Variants in CA8 observed in about 807,000 individuals in gnomAD.
CA8 encodes carbonic anhydrase-related protein.
CA8 carries 22 observed loss-of-function variants against 41.4 expected under a neutral mutation model. The observed-to-expected ratio is 0.53, with a 90% confidence interval of 0.38 to 0.76. CA8 has a LOEUF of 0.76. CA8 is among the 30% of genes least tolerant of loss of function. The pLI is 0.00. For missense variants in CA8, 270 were observed against 352.8 expected, an observed-to-expected ratio of 0.77 and a Z score of 1.88; for synonymous variants, 121 against 130.6, an observed-to-expected ratio of 0.93 and a Z score of 0.50.
chr8:60,241,881 T>G (rs982993428), intron 3 of CA8, among the ~76,000 whole-genome samples: 4 of 152,200 alleles, frequency 2.6e-5, no homozygotes, highest in Non-Finnish European at 5.9e-5. Context: ...TGTAAGTCAT[T>G]TATAGATTGG....
At chr8:60,202,224 T>G (rs1806453844) in intron 8 of CA8, among the ~76,000 whole-genome samples, 1 of 151,562 alleles carries the variant, frequency 6.6e-6, no homozygotes, top group Non-Finnish European at 1.5e-5. Context: ...TTTTTTTTTT[T>G]TGTATTTTTA....
Position 60,185,783 on chromosome 8 carries a change from T to TA in CA8, c.*4237dup, listed in dbSNP as rs1805947180. Among the ~76,000 whole-genome samples, 1 of 151,436 alleles carries TA rather than the reference T, an allele frequency of 6.6e-6. No individual in the cohort carries two copies. The highest frequency in any genetic ancestry group is 2.4e-5 in the African/African-American group (1 of 41,202). On this transcript the variant is annotated 3_prime_UTR_variant, in exon 9 of 9. Coordinates refer to ENST00000317995, the MANE Select transcript of CA8 (RefSeq NM_004056.6). ...TTGTCCCTATCAGATTTGCCTTATATAAAAATATATTAAAAAAAGGACTTC... is the reference window on the plus strand; with the variant it reads ...TTGTCCCTATCAGATTTGCCTTATATAAAAAATATATTAAAAAAAGGACTTC...
intron 7 of CA8, among the ~76,000 whole-genome samples, chr8:60,221,349 A>T (rs1807239669): frequency 6.6e-6 from 1 of 152,184 alleles, no homozygotes; most frequent in Non-Finnish European, 1.5e-5. Flanking sequence ...GAGAGTAAAG[A>T]CTGTGTTTTA....
intron 8 of CA8, among the ~76,000 whole-genome samples, chr8:60,194,882 A>T (rs1806235758): frequency 6.6e-6 from 1 of 152,164 alleles, no homozygotes; most frequent in Non-Finnish European, 1.5e-5. Context: ...TGTTATTTTA[A>T]TGCAGTCTGT....
At chr8:60,192,514 G>A (rs1361627410) in intron 8 of CA8, among the ~76,000 whole-genome samples, 2 of 152,146 alleles carry the variant, frequency 1.3e-5, no homozygotes, top group Non-Finnish European at 2.9e-5. Context: ...TATGCCATGT[G>A]TTGGAAGTTT....
chr8:60,205,534 A>G (rs756021454), intron 8 of CA8, among the ~76,000 whole-genome samples: 1 of 152,210 alleles, frequency 6.6e-6, no homozygotes, highest in Non-Finnish European at 1.5e-5. Context: ...AGAAAATTCA[A>G]TGGGTAAAGG....
At position 60,281,255 on chromosome 8, in the gene CA8, T is replaced by A; in HGVS notation, c.-108A>T. The stretch of plus-strand genomic sequence containing the variant: ...GCGCGTGGGGGAGTGTGAGCACGCG[T>A]GAGCGGCAGTGTGAGTGCGAGAGCG... On this transcript the variant is annotated 5_prime_UTR_variant, in exon 1 of 9. Coordinates refer to ENST00000317995, the MANE Select transcript of CA8 (RefSeq NM_004056.6). 1.3e-6 allele frequency: 1 copy of A among 743,074 alleles called. No individual in the cohort carries two copies. The highest frequency in any genetic ancestry group is 2.3e-6 in the Non-Finnish European group (1 of 433,886). The allele number at this position is 743,074 out of a possible 1,614,324, so 46.0% of individuals were successfully genotyped here. A position where few individuals can be genotyped will look rare whatever the true frequency, so the allele number is the denominator to read the frequency against.
chr8:60,202,200 T>A (rs1209879007), intron 8 of CA8, among the ~76,000 whole-genome samples: 2 of 151,118 alleles, frequency 1.3e-5, no homozygotes, highest in East Asian at 3.9e-4. Context: ...CCTGCCACCA[T>A]TCCCAGCTAA....
chr8:60,232,163 G>A (rs1807670032), intron 4 of CA8, 121 bp downstream of exon 4: 4 of 739,406 alleles, frequency 5.4e-6, no homozygotes, highest in Non-Finnish European at 9.7e-6. Flanking sequence ...TTTTTATCAG[G>A]TGTTCTCTCT....
chr8:60,239,368 A>G (rs1196274542), intron 3 of CA8, among the ~76,000 whole-genome samples: 1 of 152,212 alleles, frequency 6.6e-6, no homozygotes, highest in Non-Finnish European at 1.5e-5. Flanking sequence ...GGCTAAAGGT[A>G]CAGGGAGCAG....
intron 8 of CA8, among the ~76,000 whole-genome samples, chr8:60,193,506 T>TG (rs1449997052): frequency 1.3e-5 from 2 of 152,204 alleles, no homozygotes; most frequent in Non-Finnish European, 2.9e-5. Context: ...AATAAATTTG[T>TG]GGTGGCTTTG....
intron 7 of CA8, among the ~76,000 whole-genome samples, chr8:60,215,343 G>A (rs1005144812): frequency 8.5e-5 from 10 of 117,222 alleles, no homozygotes; most frequent in Non-Finnish European, 1.7e-4. Flanking sequence ...AAACACTGTC[G>A]TGTGTGTGTG....
chr8:60,196,084 C>T (rs765204633), intron 8 of CA8, among the ~76,000 whole-genome samples: 1 of 152,010 alleles, frequency 6.6e-6, no homozygotes, highest in African/African-American at 2.4e-5. Flanking sequence ...CTGTCATGAT[C>T]GTTGGGTGTT....
chr8:60,197,957 C>A (rs1446633461), intron 8 of CA8, among the ~76,000 whole-genome samples: 1 of 152,168 alleles, frequency 6.6e-6, no homozygotes, highest in African/African-American at 2.4e-5. Context: ...ATTAGCATAA[C>A]CCTTGTAGAG....
intron 2 of CA8, among the ~76,000 whole-genome samples, chr8:60,270,777 T>C (rs1804045844): frequency 6.6e-6 from 1 of 152,228 alleles, no homozygotes; most frequent in African/African-American, 2.4e-5. Context: ...TTTTAAGAAA[T>C]TCCAATGTTA....
intron 3 of CA8, among the ~76,000 whole-genome samples, chr8:60,243,588 G>C (rs902507136): frequency 1.3e-5 from 2 of 151,996 alleles, no homozygotes; most frequent in African/African-American, 4.8e-5. Flanking sequence ...CATCAGTTTA[G>C]TGAAACTGCT....
chr8:60,252,319 TC>T (rs1372075898), intron 3 of CA8, among the ~76,000 whole-genome samples: 1 of 152,174 alleles, frequency 6.6e-6, no homozygotes, highest in Non-Finnish European at 1.5e-5. Context: ...AAGGGGAGGT[TC>T]TGCTGGTGTT....
chr8:60,251,749 G>A (rs1209600890), intron 3 of CA8, among the ~76,000 whole-genome samples: 1 of 152,152 alleles, frequency 6.6e-6, no homozygotes, highest in Non-Finnish European at 1.5e-5. Flanking sequence ...CCTGCTGCCT[G>A]CCATAAAACT....
chr8:60,250,346 C>G (rs79865923), intron 3 of CA8, among the ~76,000 whole-genome samples: 1 of 152,124 alleles, frequency 6.6e-6, no homozygotes, highest in Non-Finnish European at 1.5e-5. Context: ...TTACATACCA[C>G]AGTTTTCCAA....
Sources: allele counts gnomAD v4.1 joint callset (sites outside exome capture counted in the v4.1 genomes callset), GRCh38; gene constraint gnomAD v4.1.1; transcripts MANE v1.5; gene names NCBI Gene and HGNC (gene_info 2026-07-23, HGNC 2026-07-21).